DOCK10: variants seen among roughly 807,000 people sequenced by gnomAD.
DOCK10 encodes dedicator of cytokinesis protein 10.
A neutral mutation model predicts 280.1 loss-of-function variants in DOCK10; 145 were observed. That is an observed-to-expected ratio of 0.52 (90% CI 0.45 to 0.59). DOCK10 has a LOEUF of 0.59. Among genes scored for constraint, DOCK10 ranks in the 20% least tolerant of loss-of-function variants. DOCK10 has a pLI of 0.00. For missense variants in DOCK10, 2,368 were observed against 2,651.7 expected (o/e 0.89, Z 2.35); for synonymous variants, 915 against 942.2 (o/e 0.97, Z 0.53).
intron 1 of DOCK10, among the ~76,000 whole-genome samples, chr2:224,958,781 C>T (rs1033548765): frequency 6.6e-6 from 1 of 152,192 alleles, no homozygotes; most frequent in Non-Finnish European, 1.5e-5. Flanking sequence ...GGTGCGGGAT[C>T]TCCTACTGGC....
chr2:225,029,264 C>T (rs1559978793), intron 1 of DOCK10, among the ~76,000 whole-genome samples: 1 of 152,184 alleles, frequency 6.6e-6, no homozygotes, highest in Non-Finnish European at 1.5e-5. Flanking sequence ...CTCTGCCTCC[C>T]AGGTTCAAAT....
intron 31 of DOCK10, among the ~76,000 whole-genome samples, chr2:224,812,287 T>A (rs1693834969): frequency 6.6e-6 from 1 of 152,210 alleles, no homozygotes; most frequent in Non-Finnish European, 1.5e-5. Flanking sequence ...GCTCTCTGTT[T>A]GTCTGTTCTT....
At chr2:224,897,917 A>C (rs890066752) in intron 3 of DOCK10, among the ~76,000 whole-genome samples, 3 of 152,144 alleles carry the variant, frequency 2.0e-5, no homozygotes, top group Non-Finnish European at 4.4e-5. Context: ...ACTCCTTTCT[A>C]TTCTAAAATT....
In DOCK10 at chr2:224,823,602, C is replaced by A. The variant is rs962348206; in HGVS notation, c.3082G>T (p.Asp1028Tyr). ...RFPESYQNEL[D>Y]NLVMVLSDHV... is the part of the protein sequence containing the mutation. ...TCGGATAGGACCATGACAAGATTGT[C>A]CAATTCATTTTGGTAAGATTCAGGA... The change falls in exon 28 of 56, where the codon GAC (aspartate) becomes TAC (tyrosine). Residue 1028 changes from aspartate to tyrosine, a missense_variant. Coordinates refer to ENST00000258390, the MANE Select transcript of DOCK10 (RefSeq NM_014689.3). 6.2e-7 allele frequency: 1 copy of A among 1,604,896 alleles called. No homozygotes were observed. Among genetic ancestry groups the A allele is most frequent in the Non-Finnish European group, 8.5e-7 (1 of 1,177,196 alleles).
intron 1 of DOCK10, among the ~76,000 whole-genome samples, chr2:225,026,514 G>A (rs546665795): frequency 6.6e-6 from 1 of 152,338 alleles, no homozygotes. Context: ...AGCCTTGCCA[G>A]TACTTGGAGC....
At chr2:224,999,710 G>GGGT (rs1706374540) in intron 1 of DOCK10, among the ~76,000 whole-genome samples, 2 of 81,726 alleles carry the variant, frequency 2.4e-5, no homozygotes, top group African/African-American at 4.6e-5. Context: ...CACTATAATG[G>GGGT]TGTTTTTTTT....
intron 18 of DOCK10, among the ~76,000 whole-genome samples, 184 bp from the exon 19 acceptor site, chr2:224,849,783 C>T (rs774574401): frequency 2.6e-5 from 4 of 152,200 alleles, no homozygotes; most frequent in South Asian, 2.1e-4. Context: ...ATTTATTATA[C>T]AATGAAAGCT....
At chr2:225,009,212 T>C (rs959192752) in intron 1 of DOCK10, among the ~76,000 whole-genome samples, 7 of 152,164 alleles carry the variant, frequency 4.6e-5, no homozygotes, top group Non-Finnish European at 8.8e-5. Flanking sequence ...ATTTTATGTC[T>C]TCACAAAAAG....
In DOCK10 at chr2:224,836,601, A is replaced by AT. The variant is rs774289520; in HGVS notation, c.2850+1160dup. On this transcript the variant is annotated intron_variant, in intron 25 of 55. Transcript: ENST00000258390. The stretch of plus-strand genomic sequence containing the variant: ...TTACTTCCTTTTATGGGAGTGTGGA[A>AT]TTTTTTTTTTTTTTTTGAGATGGAG... Among the ~76,000 whole-genome samples the AT allele has an allele frequency of 5.1e-3, 723 of 143,140 alleles. 1 individual carries two copies. The highest frequency in any genetic ancestry group is 8.0e-3 in the African/African-American group (312 of 39,200). 93.9% of individuals were successfully genotyped at this position (143,140 alleles called of 152,430 possible). A position where few individuals can be genotyped will look rare whatever the true frequency, so the allele number is the denominator to read the frequency against.
At chr2:224,979,121 T>C (rs1245377459) in intron 1 of DOCK10, among the ~76,000 whole-genome samples, 1 of 152,164 alleles carries the variant, frequency 6.6e-6, no homozygotes, top group Admixed American at 6.5e-5. Context: ...CCCTTGACCC[T>C]CTATGGCCAG....
Position 224,823,547 on chromosome 2 carries a change from A to G in DOCK10, c.3137T>C (p.Leu1046Pro). ...GTGGTTTGCCCTTCTTGTTTCTTCA[A>G]GTGCATCCTTGTATTTCCAAATCAC... is the stretch of plus-strand genomic sequence containing the variant. ...DHVIWKYKDA[L>P]EETRRANHSV... Residue 1046 changes from leucine (L) to proline (P), a missense_variant, in exon 28 of 56, where the codon CTT becomes CCT. Around this residue, in one of 2 missense-constraint regions of DOCK10, gnomAD observed 1,159 missense variants for 1,400.8 expected, o/e 0.83. Transcript: ENST00000258390. The G allele has an allele frequency of 1.9e-6, 3 of 1,609,318 alleles. No individual in the cohort carries two copies. The highest frequency in any genetic ancestry group is 2.5e-6 in the Non-Finnish European group (3 of 1,178,624).
intron 1 of DOCK10, among the ~76,000 whole-genome samples, chr2:224,993,808 G>T (rs553419124): frequency 6.6e-6 from 1 of 152,118 alleles, no homozygotes; most frequent in Non-Finnish European, 1.5e-5. Flanking sequence ...TGGGTTATGT[G>T]GGGGTAGGAG....
intron 2 of DOCK10, among the ~76,000 whole-genome samples, chr2:224,919,081 T>G (rs928510686): frequency 4.7e-5 from 7 of 149,542 alleles, no homozygotes; most frequent in East Asian, 2.0e-4. Flanking sequence ...TGTGTGTGTG[T>G]GGGGAGTGTG....
intron 27 of DOCK10, among the ~76,000 whole-genome samples, 163 bp downstream of exon 27, chr2:224,830,378 C>T (rs527256157): frequency 1.3e-5 from 2 of 152,218 alleles, no homozygotes; most frequent in East Asian, 1.9e-4. Context: ...GGGCCTGTGC[C>T]GGTTGGTGTA....
intron 1 of DOCK10, among the ~76,000 whole-genome samples, chr2:224,938,269 A>T (rs1180338734): frequency 6.6e-6 from 1 of 152,186 alleles, no homozygotes; most frequent in Non-Finnish European, 1.5e-5. Flanking sequence ...GTTCCCATAT[A>T]TCTGAACCTT....
intron 7 of DOCK10, among the ~76,000 whole-genome samples, chr2:224,884,941 C>T (rs1206202070): frequency 6.6e-6 from 1 of 152,182 alleles, no homozygotes; most frequent in Admixed American, 6.5e-5. Flanking sequence ...CTTTGAATAT[C>T]TGAGACTTGC....
chr2:224,964,418 G>T (rs1261240359), intron 1 of DOCK10, among the ~76,000 whole-genome samples: 1 of 152,088 alleles, frequency 6.6e-6, no homozygotes, highest in Non-Finnish European at 1.5e-5. Context: ...ATGGACCCAG[G>T]AATAAAATAA....
intron 1 of DOCK10, among the ~76,000 whole-genome samples, chr2:225,014,508 A>C (rs1689538801): frequency 6.6e-6 from 1 of 152,112 alleles, no homozygotes; most frequent in South Asian, 2.1e-4. Context: ...TATTGTGATT[A>C]ATTATTGATA....
intron 1 of DOCK10, among the ~76,000 whole-genome samples, chr2:225,030,729 A>T (rs1690052605): frequency 6.6e-6 from 1 of 152,206 alleles, no homozygotes; most frequent in Admixed American, 6.5e-5. Flanking sequence ...CTTGAATTAA[A>T]TTCTGCTCAG....
Sources: allele counts gnomAD v4.1 joint callset (sites outside exome capture counted in the v4.1 genomes callset), GRCh38; gene constraint gnomAD v4.1.1; regional missense constraint gnomAD v4.1.1; transcripts MANE v1.5; gene names NCBI Gene and HGNC (gene_info 2026-07-23, HGNC 2026-07-21).